The following GALNT13 variants were observed in gnomAD, a reference collection of about 807,000 sequenced individuals.
The protein encoded by GALNT13 is polypeptide N-acetylgalactosaminyltransferase 13.
GALNT13 carries 28 observed loss-of-function variants against 64.2 expected under a neutral mutation model. That is an observed-to-expected ratio of 0.44 (90% confidence interval 0.32 to 0.60). The LOEUF is 0.60. Ranked by LOEUF, GALNT13 falls within the 20% of genes least tolerant of loss-of-function variation. GALNT13 has a pLI of 0.05. For synonymous variants in GALNT13, 214 were observed against 224.6 expected (o/e 0.95, Z 0.42); for missense variants, 577 against 669.8 (o/e 0.86, Z 1.53).
chr2:153,691,504 T>C, the GALNT13 span, among the ~76,000 whole-genome samples: 2 of 152,140 alleles, frequency 1.3e-5, no homozygotes, highest in Non-Finnish European at 2.9e-5. Flanking sequence ...ATCCTTTTTT[T>C]CTAATAAAGA....
At chr2:154,325,082 A>C (rs934755632) in intron 9 of GALNT13, among the ~76,000 whole-genome samples, 1 of 151,858 alleles carries the variant, frequency 6.6e-6, no homozygotes, top group Non-Finnish European at 1.5e-5. Context: ...TCTCATCTCC[A>C]TGAGGCCAAA....
the GALNT13 span, among the ~76,000 whole-genome samples, chr2:153,244,668 C>T: frequency 6.6e-6 from 1 of 152,186 alleles, no homozygotes; most frequent in African/African-American, 2.4e-5. Context: ...CCACTGGGTA[C>T]AAAAAATACC....
At chr2:153,401,634 G>A in the GALNT13 span, among the ~76,000 whole-genome samples, 1 of 150,526 alleles carries the variant, frequency 6.6e-6, no homozygotes, top group East Asian at 2.0e-4. Context: ...TATATATTTA[G>A]GATAGTTAGC....
intron 3 of GALNT13, among the ~76,000 whole-genome samples, chr2:154,044,173 A>T (rs1316626614): frequency 3.3e-5 from 5 of 152,214 alleles, no homozygotes; most frequent in Non-Finnish European, 7.3e-5. Flanking sequence ...TGAGAAAAGA[A>T]GATGATGAAT....
chr2:154,382,761 C>G (rs960570948), intron 9 of GALNT13, among the ~76,000 whole-genome samples: 1 of 150,098 alleles, frequency 6.7e-6, no homozygotes, highest in Non-Finnish European at 1.5e-5. Context: ...TTCTTTCAAT[C>G]CACAAATAAC....
At chr2:153,570,124 G>A in the GALNT13 span, among the ~76,000 whole-genome samples, 5 of 151,900 alleles carry the variant, frequency 3.3e-5, no homozygotes, top group South Asian at 1.0e-3. Context: ...CCTGTCTTTT[G>A]GATAAAAGGC....
intron 1 of GALNT13, among the ~76,000 whole-genome samples, chr2:153,884,300 C>T (rs186306429): frequency 1.3e-4 from 20 of 151,864 alleles, no homozygotes; most frequent in Admixed American, 3.3e-4. Flanking sequence ...GATTATGCTT[C>T]GATGAGTGTG....
In GALNT13 at chr2:154,047,568, G is replaced by A. The variant is rs117681165; in HGVS notation, c.143-92769G>A. ...CTGTAGAACAAGAGTAATAATAGTT[G>A]TGTTCAACTCATAGTACTGTGATGA... On this transcript the variant is annotated intron_variant, in intron 3 of 12. Coordinates refer to ENST00000392825, the MANE Select transcript of GALNT13 (RefSeq NM_052917.4). Among the ~76,000 whole-genome samples, 255 of 152,246 alleles carry A rather than the reference G, an allele frequency of 1.7e-3. 2 individuals carry two copies. In the East Asian group the frequency reaches 0.045, roughly 27 times the overall value.
chr2:153,630,813 T>TA, the GALNT13 span, among the ~76,000 whole-genome samples: 548 of 50,592 alleles, frequency 0.011, 7 homozygotes, highest in East Asian at 0.016. Flanking sequence ...ATATATTTTT[T>TA]TTTTTTTTTT....
At chr2:153,236,088 T>G in the GALNT13 span, among the ~76,000 whole-genome samples, 147 of 152,278 alleles carry the variant, frequency 9.7e-4, no homozygotes, top group African/African-American at 3.4e-3. Flanking sequence ...CAAAATTCCC[T>G]TAAGCCAAAA....
chr2:153,652,115 T>C, the GALNT13 span, among the ~76,000 whole-genome samples: 2 of 152,176 alleles, frequency 1.3e-5, no homozygotes, highest in Admixed American at 6.6e-5. Context: ...AAGCTACATA[T>C]AAATAAAATT....
the GALNT13 span, among the ~76,000 whole-genome samples, chr2:153,340,149 T>C: frequency 6.6e-6 from 1 of 152,186 alleles, no homozygotes; most frequent in African/African-American, 2.4e-5. Context: ...CATTGCGATT[T>C]GGTAGGGATT....
the GALNT13 span, among the ~76,000 whole-genome samples, chr2:153,162,175 C>G: frequency 6.6e-6 from 1 of 152,144 alleles, no homozygotes; most frequent in Non-Finnish European, 1.5e-5. Flanking sequence ...ACAATGCTGA[C>G]AGGTATCAGT....
the GALNT13 span, among the ~76,000 whole-genome samples, chr2:153,746,224 C>G: frequency 6.6e-6 from 1 of 152,082 alleles, no homozygotes; most frequent in South Asian, 2.1e-4. Flanking sequence ...AGCCAGAGCT[C>G]AAATTATTTT....
chr2:153,516,847 T>G, the GALNT13 span, among the ~76,000 whole-genome samples: 1 of 152,014 alleles, frequency 6.6e-6, no homozygotes, highest in Non-Finnish European at 1.5e-5. Context: ...CTTTTATACT[T>G]CCTTTACTCC....
At chr2:153,677,130 A>G in the GALNT13 span, among the ~76,000 whole-genome samples, 3 of 152,176 alleles carry the variant, frequency 2.0e-5, no homozygotes, top group Non-Finnish European at 2.9e-5. Flanking sequence ...AGAAAACCCT[A>G]TAGTCTCTTC....
intron 4 of GALNT13, among the ~76,000 whole-genome samples, chr2:154,158,050 C>T (rs760208533): frequency 3.9e-5 from 6 of 152,188 alleles, no homozygotes; most frequent in South Asian, 2.1e-4. Flanking sequence ...CAGTCATTCC[C>T]GTGGTAATTT....
the GALNT13 span, among the ~76,000 whole-genome samples, chr2:153,649,043 C>T: frequency 6.6e-6 from 1 of 152,130 alleles, no homozygotes; most frequent in South Asian, 2.1e-4. Flanking sequence ...AAGAATGGTA[C>T]CAGGTCCACC....
At chr2:153,647,211 C>T in the GALNT13 span, among the ~76,000 whole-genome samples, 2 of 152,152 alleles carry the variant, frequency 1.3e-5, no homozygotes, top group Admixed American at 6.5e-5. Flanking sequence ...TCTCTGATGG[C>T]CAGTGATGAT....
Sources: allele counts gnomAD v4.1 joint callset (sites outside exome capture counted in the v4.1 genomes callset), GRCh38; gene constraint gnomAD v4.1.1; transcripts MANE v1.5; gene names NCBI Gene and HGNC (gene_info 2026-07-23, HGNC 2026-07-21).